Variants in TLN2 observed in about 807,000 individuals in gnomAD.
TLN2 encodes the protein talin-2.
A neutral mutation model predicts 294.7 loss-of-function variants in TLN2; 118 were observed. The observed-to-expected ratio is 0.40, with a 90% CI of 0.34 to 0.47. The LOEUF (loss-of-function observed/expected upper bound fraction) is 0.47. Ranked by LOEUF, TLN2 falls within the 20% of genes least tolerant of loss-of-function variation. The probability of loss-of-function intolerance (pLI) is 0.84; values close to 1 mark genes in which losing one functional copy is unlikely to be tolerated. For missense variants in TLN2, 3,083 were observed against 3,282.2 expected (o/e 0.94, Z 1.48); for synonymous variants, 1,431 against 1,304.5 (o/e 1.10, Z -2.09).
chr15:62,602,373 G>A (rs1297285975), intron 2 of TLN2, among the ~76,000 whole-genome samples: 1 of 152,032 alleles, frequency 6.6e-6, no homozygotes, highest in Non-Finnish European at 1.5e-5. Context: ...CTGTGATTGC[G>A]CCACCAATTG....
Position 62,656,104 on chromosome 15 carries a change from C to T in TLN2, c.660+18C>T, listed in dbSNP as rs2053174607. ...ATGTTCAGGTACAGTATTTACTGCT[C>T]AGACACTGAGGTTGGTGAGATTGCA... On this transcript the variant is annotated intron_variant, in intron 8 of 58. Transcript: ENST00000636159. 1 of 1,611,172 alleles carries T rather than the reference C, an allele frequency of 6.2e-7. No homozygotes were observed. Among genetic ancestry groups the T allele is most frequent in the East Asian group, 2.2e-5 (1 of 44,794 alleles).
intron 41 of TLN2, among the ~76,000 whole-genome samples, chr15:62,767,625 C>T (rs919948005): frequency 7.2e-5 from 11 of 152,188 alleles, no homozygotes; most frequent in African/African-American, 2.2e-4. Flanking sequence ...AGGCGTGAGC[C>T]ACTGCGCCCG....
At chr15:62,740,537 G>A in intron 31 of TLN2, 93 bp from the exon 32 acceptor site, 2 of 1,549,282 alleles carry the variant, frequency 1.3e-6, no homozygotes, top group Non-Finnish European at 1.8e-6. Flanking sequence ...CGGATAACCT[G>A]CCTGCATGTC....
At chr15:62,786,980 A>C (rs371041340) in intron 45 of TLN2, among the ~76,000 whole-genome samples, 24 of 152,128 alleles carry the variant, frequency 1.6e-4, no homozygotes, top group East Asian at 9.6e-4. Context: ...AGCTTACTAC[A>C]GCCTTGAGCT....
chr15:62,634,855 C>T (rs1434419257), intron 3 of TLN2, among the ~76,000 whole-genome samples: 1 of 152,200 alleles, frequency 6.6e-6, no homozygotes, highest in Non-Finnish European at 1.5e-5. Flanking sequence ...AAAGTCTAGT[C>T]CAATCCTTCT....
chr15:62,494,317 G>T (rs181513899), intron 1 of TLN2, among the ~76,000 whole-genome samples: 11 of 151,972 alleles, frequency 7.2e-5, no homozygotes, highest in Admixed American at 5.2e-4. Context: ...GCAGGGTCTC[G>T]GGGGCTTTAA....
At position 62,482,280 on chromosome 15, in the gene TLN2, A is replaced by G. The variant is rs372087240; in HGVS notation, c.-238+91595A>G. 5.4e-4 allele frequency among the ~76,000 whole-genome samples: 82 copies of G among 152,270 alleles called. 2 individuals are homozygous for G. In the South Asian group the frequency reaches 0.017, roughly 31 times the overall value. On this transcript the variant is annotated intron_variant, in intron 1 of 58. Coordinates refer to ENST00000636159, the MANE Select transcript of TLN2 (RefSeq NM_015059.3). Reference sequence around the variant, plus strand: ...CTATAGAATTTCAAGGTCAAAGGATATGCTCCTTTAAAAATGTCCCTTTTA... The same window carrying G: ...CTATAGAATTTCAAGGTCAAAGGATGTGCTCCTTTAAAAATGTCCCTTTTA...
intron 1 of TLN2, among the ~76,000 whole-genome samples, chr15:62,402,761 TAG>T (rs569498911): frequency 1.2e-3 from 178 of 152,346 alleles, no homozygotes; most frequent in African/African-American, 4.1e-3. Flanking sequence ...AAGAAGCAAT[TAG>T]AAGCTACTTT....
intron 37 of TLN2, among the ~76,000 whole-genome samples, chr15:62,757,353 G>A (rs543505133): frequency 7.9e-4 from 120 of 152,322 alleles, no homozygotes; most frequent in Middle Eastern, 6.8e-3. Flanking sequence ...AGTTTGGGGA[G>A]GTAAGGGTGG....
At chr15:62,465,198 G>T (rs900227328) in intron 1 of TLN2, among the ~76,000 whole-genome samples, 2 of 146,010 alleles carry the variant, frequency 1.4e-5, no homozygotes, top group Non-Finnish European at 3.0e-5. Context: ...AGCAGTATGT[G>T]CTGTTTCCTT....
intron 3 of TLN2, among the ~76,000 whole-genome samples, chr15:62,642,682 G>C (rs562148283): frequency 9.8e-5 from 14 of 143,138 alleles, no homozygotes; most frequent in Non-Finnish European, 1.9e-4. Flanking sequence ...TGTTGTTTTT[G>C]TTTGTTTGTT....
At chr15:62,522,939 CTT>C (rs2040533741) in intron 1 of TLN2, among the ~76,000 whole-genome samples, 4 of 124,640 alleles carry the variant, frequency 3.2e-5, no homozygotes, top group Non-Finnish European at 6.7e-5. Context: ...CTGAATGTGG[CTT>C]ACACACACAC....
rs1050761210 is a variant in TLN2 at position 62,752,517 on chromosome 15, G to A, written c.4332+90G>A. ...ACTCCAGCTGCACCTCTTTCTCCAAGTACCACCACAGAAACCATGGGAAAG... is the reference window on the plus strand; with the variant it reads ...ACTCCAGCTGCACCTCTTTCTCCAAATACCACCACAGAAACCATGGGAAAG... On this transcript the variant is annotated intron_variant, in intron 35 of 58. Coordinates refer to ENST00000636159, the MANE Select transcript of TLN2 (RefSeq NM_015059.3). The A allele has an allele frequency of 4.6e-5, 71 of 1,539,476 alleles. No individual in the cohort carries two copies. The African/African-American group carries it at 4.9e-4, about 11-fold the overall frequency.
intron 12 of TLN2, among the ~76,000 whole-genome samples, chr15:62,689,243 C>T (rs1187598953): frequency 1.3e-5 from 2 of 152,010 alleles, no homozygotes; most frequent in African/African-American, 2.4e-5. Flanking sequence ...GGCTTTTCCC[C>T]CTTAAGTGTA....
chr15:62,733,585 C>T (rs1472930357), intron 28 of TLN2, among the ~76,000 whole-genome samples: 1 of 152,198 alleles, frequency 6.6e-6, no homozygotes, highest in Non-Finnish European at 1.5e-5. Flanking sequence ...TTGTGTCATA[C>T]CTGGTCTTTG....
chr15:62,548,340 C>G (rs768172304), intron 1 of TLN2, among the ~76,000 whole-genome samples: 1 of 152,066 alleles, frequency 6.6e-6, no homozygotes, highest in Non-Finnish European at 1.5e-5. Context: ...CTAAGAGAAT[C>G]GGGTAAAATG....
chr15:62,572,692 C>A (rs2043988815), intron 1 of TLN2, among the ~76,000 whole-genome samples: 1 of 152,230 alleles, frequency 6.6e-6, no homozygotes, highest in African/African-American at 2.4e-5. Flanking sequence ...CTTCCTGACA[C>A]TTTCTTTGCA....
At chr15:62,826,380 C>A (rs879450005) in intron 54 of TLN2, among the ~76,000 whole-genome samples, 7 of 152,146 alleles carry the variant, frequency 4.6e-5, no homozygotes, top group African/African-American at 7.2e-5. Context: ...TCCTCGGATG[C>A]GGAGGGTGTG....
At chr15:62,745,177 A>C (rs1012340379) in intron 32 of TLN2, among the ~76,000 whole-genome samples, 1 of 152,212 alleles carries the variant, frequency 6.6e-6, no homozygotes, top group Non-Finnish European at 1.5e-5. Context: ...CTTTTTAACC[A>C]TTGAAGTTGT....
Sources: gnomAD v4.1 joint callset for allele counts (sites outside exome capture counted in the v4.1 genomes callset) on GRCh38, gnomAD v4.1.1 for gene constraint, MANE v1.5 for transcripts, NCBI Gene and HGNC (gene_info 2026-07-23, HGNC 2026-07-21) for gene names.